Variants in DGKH observed in about 807,000 individuals in gnomAD.
DGKH encodes the protein diacylglycerol kinase eta.
A neutral mutation model predicts 159.3 loss-of-function variants in DGKH; 90 were observed. The observed-to-expected ratio is 0.57, with a 90% CI of 0.48 to 0.67. The LOEUF (loss-of-function observed/expected upper bound fraction) is 0.67, where lower values mean the gene tolerates loss of function less well. Among genes scored for constraint, DGKH ranks in the 30% least tolerant of loss-of-function variants. DGKH has a pLI of 0.00. For missense variants in DGKH, 1,181 were observed against 1,506.1 expected (o/e 0.78, Z 3.57); for synonymous variants, 536 against 553.8 (o/e 0.97, Z 0.45).
intron 3 of DGKH, among the ~76,000 whole-genome samples, chr13:42,146,266 C>A (rs1318208778): frequency 1.3e-5 from 2 of 149,014 alleles, no homozygotes; most frequent in East Asian, 4.0e-4. Flanking sequence ...ACGTGACTAT[C>A]CTCAAAATGA....
rs1015469588 is a variant in DGKH at position 42,154,875 on chromosome 13, C to T, written c.385-416C>T. On this transcript the variant is annotated intron_variant, in intron 3 of 29. Coordinates refer to ENST00000337343, the MANE Select transcript of DGKH (RefSeq NM_178009.5). Reference sequence around the variant, plus strand: ...CCAACATGGTGAAACCCTGCCTCTACTAAAAAAAAAAAAATTAAGAAATCA... The same window carrying T: ...CCAACATGGTGAAACCCTGCCTCTATTAAAAAAAAAAAAATTAAGAAATCA... 2.1e-5 allele frequency among the ~76,000 whole-genome samples: 3 copies of T among 143,864 alleles called. No individual in the cohort carries two copies. In the Admixed American group the frequency reaches 2.2e-4, roughly 10 times the overall value. 94.4% of individuals were successfully genotyped at this position (143,864 alleles called of 152,430 possible).
intron 1 of DGKH, among the ~76,000 whole-genome samples, chr13:42,102,500 T>C (rs1954670539): frequency 6.6e-6 from 1 of 152,238 alleles, no homozygotes; most frequent in Admixed American, 6.5e-5. Context: ...GCATTCTAAG[T>C]GACCACCTGC....
At chr13:42,134,877 T>C (rs1300421201) in intron 3 of DGKH, among the ~76,000 whole-genome samples, 1 of 152,124 alleles carries the variant, frequency 6.6e-6, no homozygotes, top group African/African-American at 2.4e-5. Context: ...TTTGGGAGGC[T>C]GAGGCAGGAG....
At chr13:42,123,516 G>T (rs1358811716) in intron 1 of DGKH, among the ~76,000 whole-genome samples, 1 of 145,360 alleles carries the variant, frequency 6.9e-6, no homozygotes, top group Non-Finnish European at 1.5e-5. Flanking sequence ...AGGATCCTCT[G>T]CTCTTCAAAA....
intron 1 of DGKH, among the ~76,000 whole-genome samples, chr13:42,085,710 T>C (rs1954288836): frequency 6.6e-6 from 1 of 152,220 alleles, no homozygotes; most frequent in South Asian, 2.1e-4. Context: ...GCTTTTTACT[T>C]GAAGCTAATA....
Position 42,168,314 on chromosome 13 carries a change from A to G in DGKH, c.1119-126A>G, listed in dbSNP as rs1956358728. ...TTACACTTCAGTGAATGTTTATGGT[A>G]TAATTAACATGTAAGTAGGAGTTCT... On this transcript the variant is annotated intron_variant, in intron 9 of 29. Transcript: ENST00000337343. The G allele has an allele frequency of 5.4e-6, 4 of 735,828 alleles. No homozygotes were observed. In the East Asian group the frequency reaches 8.2e-5, roughly 15 times the overall value. 45.6% of individuals were successfully genotyped at this position (735,828 alleles called of 1,614,324 possible).
chr13:42,181,143 G>A (rs572186452), intron 13 of DGKH, among the ~76,000 whole-genome samples: 1 of 152,056 alleles, frequency 6.6e-6, no homozygotes, highest in Non-Finnish European at 1.5e-5. Context: ...CGGGCGTGAT[G>A]GTGGGCGCCT....
At chr13:42,040,288 T>C (rs1289007365) in intron 1 of DGKH, among the ~76,000 whole-genome samples, 1 of 152,122 alleles carries the variant, frequency 6.6e-6, no homozygotes, top group Non-Finnish European at 1.5e-5. Context: ...GGGACCCGCG[T>C]CTGCTCCCGT....
intron 1 of DGKH, chr13:42,069,877 C>T (rs557488168): frequency 1.9e-5 from 14 of 745,748 alleles, no homozygotes; most frequent in Non-Finnish European, 2.8e-5. Context: ...ATACCTTTCC[C>T]GATCTCCATC....
chr13:42,249,410 CCAAA>C (rs536978091), intron 29 of DGKH, among the ~76,000 whole-genome samples: 221 of 152,120 alleles, frequency 1.5e-3, no homozygotes, highest in Middle Eastern at 3.4e-3. Context: ...GACTCTGTCT[CCAAA>C]CAAACAAACA....
intron 1 of DGKH, among the ~76,000 whole-genome samples, chr13:42,103,257 G>T (rs1246748399): frequency 2.6e-5 from 4 of 152,192 alleles, no homozygotes. Flanking sequence ...ATGTGGTGGT[G>T]CAGGAGCCCT....
chr13:42,174,197 A>G, intron 12 of DGKH, 53 bp downstream of exon 12: 1 of 1,363,876 alleles, frequency 7.3e-7, no homozygotes, highest in Non-Finnish European at 1.0e-6. Context: ...TATCTTGAGA[A>G]AAAAAAAAGA....
Position 42,151,609 on chromosome 13 carries a change from A to ACCCCC in DGKH, c.385-3681_385-3680insCCCCC, listed in dbSNP as rs1566134893. 7.7e-5 allele frequency among the ~76,000 whole-genome samples: 8 copies of ACCCCC among 103,814 alleles called. No individual in the cohort carries two copies. The East Asian group carries it at 3.5e-3, about 46-fold the overall frequency. The allele number at this position is 103,814 out of a possible 152,430, so 68.1% of individuals were successfully genotyped here. A position where few individuals can be genotyped will look rare whatever the true frequency, so the allele number is the denominator to read the frequency against. Reference sequence around the variant, plus strand: ...CACACACACACACACACACACACACACACACCCCATGGAAAACTACTCAGT... The same window carrying ACCCCC: ...CACACACACACACACACACACACACACCCCCCACACCCCATGGAAAACTACTCAGT... On this transcript the variant is annotated intron_variant, in intron 3 of 29. Transcript: ENST00000337343.
At position 42,048,794 on chromosome 13, in the gene DGKH, G is replaced by A; in HGVS notation, c.21G>A (p.Gln7=). The A allele has an allele frequency of 7.6e-7, 1 of 1,314,292 alleles. No individual in the cohort carries two copies. Among genetic ancestry groups the A allele is most frequent in the South Asian group, 2.3e-5 (1 of 43,808 alleles). The allele number at this position is 1,314,292 out of a possible 1,614,324, so 81.4% of individuals were successfully genotyped here. A position where few individuals can be genotyped will look rare whatever the true frequency, so the allele number is the denominator to read the frequency against. MAGAGG[Q]HHPPGAAGGA... is the part of the protein sequence containing the mutation. ...AGAGGATGGCAGGGGCCGGAGGCCA[G>A]CACCACCCTCCGGGCGCCGCTGGAG... The change falls in exon 1 of 30, where the codon CAG becomes CAA. Residue 7 remains glutamine (Q), a synonymous_variant. Transcript: ENST00000337343. This position sits in a 1 kb window ranked among gnomAD's most constrained non-coding sequence, Gnocchi z 6.7.
At chr13:42,103,462 A>C (rs1954689214) in intron 1 of DGKH, among the ~76,000 whole-genome samples, 1 of 152,186 alleles carries the variant, frequency 6.6e-6, no homozygotes, top group African/African-American at 2.4e-5. Context: ...AAGCACCTGG[A>C]GACAGGGCCA....
At chr13:42,139,268 C>G (rs1955479504) in intron 3 of DGKH, among the ~76,000 whole-genome samples, 1 of 152,220 alleles carries the variant, frequency 6.6e-6, no homozygotes, top group South Asian at 2.1e-4. Context: ...TTCAAATGGG[C>G]TTTCTAAAGT....
Position 42,210,669 on chromosome 13 carries a change from G to A in DGKH, c.2918G>A (p.Arg973Gln), listed in dbSNP as rs556793592. The A allele has an allele frequency of 2.5e-5, 41 of 1,612,072 alleles. No homozygotes were observed. Among genetic ancestry groups the A allele is most frequent in the South Asian group, 7.7e-5 (7 of 90,990 alleles). Reference sequence around the variant, plus strand: ...TGTGATTCTGGTAAACCAGTTCTCCGAACCCATTTGTACATCCATCACGCC... The same window carrying A: ...TGTGATTCTGGTAAACCAGTTCTCCAAACCCATTTGTACATCCATCACGCC... ...QKCDSGKPVLRTHLYIHHAID... is the reference protein window; with the variant it reads ...QKCDSGKPVLQTHLYIHHAID... Residue 973 changes from arginine (R) to glutamine (Q), a missense_variant, in exon 24 of 30, where the codon CGA becomes CAA. Physicochemically the swap from Arg to Gln is conservative, Grantham distance 43. This residue lies in a region of DGKH where 335 missense variants were observed against 495.2 expected (regional missense o/e 0.68). Transcript: ENST00000337343.
rs1284479093 is a variant in DGKH at position 42,234,541 on chromosome 13, G to A, written c.*5353G>A. 1 of 152,068 alleles carries A rather than the reference G, an allele frequency of 6.6e-6. No individual in the cohort carries two copies. The highest frequency in any genetic ancestry group is 2.4e-5 in the African/African-American group (1 of 41,358). 9.4% of individuals were successfully genotyped at this position (152,068 alleles called of 1,614,324 possible). ...GATCTCTCCTGTCTGCCCCCTCTACGCCCCACTCCAATTAACTCATCCTAC... is the reference window on the plus strand; with the variant it reads ...GATCTCTCCTGTCTGCCCCCTCTACACCCCACTCCAATTAACTCATCCTAC... On this transcript the variant is annotated 3_prime_UTR_variant, in exon 30 of 30. Transcript: ENST00000337343.
chr13:42,192,557 C>G (rs1312204725), intron 16 of DGKH, among the ~76,000 whole-genome samples: 1 of 149,874 alleles, frequency 6.7e-6, no homozygotes, highest in Non-Finnish European at 1.5e-5. Context: ...TCCTCCTCCT[C>G]CCTTCCTCCT....
Sources: allele counts gnomAD v4.1 joint callset (sites outside exome capture counted in the v4.1 genomes callset), GRCh38; gene constraint gnomAD v4.1.1; regional missense constraint gnomAD v4.1.1; non-coding constraint Gnocchi (gnomAD v3.1); transcripts MANE v1.5; gene names NCBI Gene and HGNC (gene_info 2026-07-23, HGNC 2026-07-21).